Variants in MYO5B observed in about 807,000 individuals in gnomAD.
The protein encoded by MYO5B is unconventional myosin-Vb.
A neutral mutation model predicts 229.3 loss-of-function variants in MYO5B; 143 were observed. That is an observed-to-expected ratio of 0.62 (90% CI 0.54 to 0.72). MYO5B has a LOEUF of 0.72. Among genes scored for constraint, MYO5B ranks in the 30% least tolerant of loss-of-function variants. The pLI is 0.00. For synonymous variants in MYO5B, 918 were observed against 885.2 expected (o/e 1.04, Z -0.66); for missense variants, 2,321 against 2,331.0 (o/e 1.00, Z 0.09).
intron 1 of MYO5B, among the ~76,000 whole-genome samples, chr18:50,178,954 C>T (rs2033034623): frequency 2.6e-5 from 4 of 151,614 alleles, no homozygotes; most frequent in Admixed American, 2.6e-4. Context: ...AAGTGTGAGG[C>T]AACTAAGGGA....
intron 1 of MYO5B, among the ~76,000 whole-genome samples, chr18:50,127,559 A>T (rs2032185354): frequency 6.6e-6 from 1 of 152,196 alleles, no homozygotes; most frequent in Admixed American, 6.5e-5. Context: ...CTAATTGCTG[A>T]GCCCTGGTGG....
At chr18:50,168,496 C>G (rs551467854) in intron 1 of MYO5B, among the ~76,000 whole-genome samples, 11 of 152,360 alleles carry the variant, frequency 7.2e-5, no homozygotes, top group Admixed American at 7.2e-4. Context: ...TTTTCCAAGG[C>G]TCCTGCTTGC....
chr18:49,842,645 C>T (rs2024072900), intron 34 of MYO5B, among the ~76,000 whole-genome samples: 1 of 152,232 alleles, frequency 6.6e-6, no homozygotes, highest in Non-Finnish European at 1.5e-5. Flanking sequence ...CCTCACCCTC[C>T]CTGCAGGCCA....
rs754770946 is a variant in MYO5B, at chr18:50,169,446, T to A, written c.27+25321A>T. Reference sequence around the variant, plus strand: ...AAGTGATCAAAGTTACCACCACCAGTAACAGGACAAATTAGACATAACATG... The same window carrying A: ...AAGTGATCAAAGTTACCACCACCAGAAACAGGACAAATTAGACATAACATG... On this transcript the variant is annotated intron_variant, in intron 1 of 39. Coordinates refer to ENST00000285039, the MANE Select transcript of MYO5B (RefSeq NM_001080467.3). Among the ~76,000 whole-genome samples, 19 of 127,274 alleles carry A rather than the reference T, an allele frequency of 1.5e-4. 5 individuals are homozygous for A. Among genetic ancestry groups the A allele is most frequent in the Non-Finnish European group, 2.7e-4 (16 of 59,782 alleles). The allele number at this position is 127,274 out of a possible 152,430, so 83.5% of individuals were successfully genotyped here. A position where few individuals can be genotyped will look rare whatever the true frequency, so the allele number is the denominator to read the frequency against.
At chr18:50,148,738 G>A (rs2144298984) in intron 1 of MYO5B, among the ~76,000 whole-genome samples, 1 of 150,822 alleles carries the variant, frequency 6.6e-6, no homozygotes, top group South Asian at 2.1e-4. Flanking sequence ...TACTGAATGG[G>A]CAAAAACTGG....
chr18:50,094,484 T>C (rs2031512326), intron 1 of MYO5B, among the ~76,000 whole-genome samples: 1 of 152,158 alleles, frequency 6.6e-6, no homozygotes, highest in Non-Finnish European at 1.5e-5. Flanking sequence ...TTGGAAAGAA[T>C]TTAAAACCTC....
chr18:49,906,743 C>G, intron 18 of MYO5B, 113 bp from the exon 19 acceptor site: 8 of 918,324 alleles, frequency 8.7e-6, no homozygotes, highest in Non-Finnish European at 1.4e-5. Flanking sequence ...TTCATGCACC[C>G]CTCTCTGTAG....
chr18:49,893,187 T>G (rs2024735273), intron 22 of MYO5B, among the ~76,000 whole-genome samples: 1 of 152,160 alleles, frequency 6.6e-6, no homozygotes, highest in Non-Finnish European at 1.5e-5. Flanking sequence ...ATGAGTCAAG[T>G]GCTATCTGTT....
intron 31 of MYO5B, among the ~76,000 whole-genome samples, chr18:49,852,726 C>T (rs1292874975): frequency 6.6e-6 from 1 of 152,128 alleles, no homozygotes; most frequent in East Asian, 1.9e-4. Context: ...CTTCTCCCTC[C>T]CCCTCTGCCA....
intron 14 of MYO5B, among the ~76,000 whole-genome samples, chr18:49,942,081 C>T (rs7236936): frequency 0.54 from 67,479 of 124,850 alleles, 19,007 homozygotes; most frequent in Middle Eastern, 0.73. Context: ...AAACAAGCAA[C>T]GGGGAAAGGA....
intron 9 of MYO5B, among the ~76,000 whole-genome samples, chr18:49,976,300 C>T (rs1331956377): frequency 6.6e-6 from 1 of 152,178 alleles, no homozygotes; most frequent in Non-Finnish European, 1.5e-5. Flanking sequence ...TATCCCCAGG[C>T]AATTTTTTCC....
chr18:49,996,956 G>T (rs2025994423), intron 5 of MYO5B, among the ~76,000 whole-genome samples: 1 of 152,070 alleles, frequency 6.6e-6, no homozygotes, highest in South Asian at 2.1e-4. Context: ...TGGGTTAACA[G>T]TGTCTGGCTT....
intron 1 of MYO5B, among the ~76,000 whole-genome samples, chr18:50,093,180 CCACACA>C (rs3075642): frequency 0.15 from 21,689 of 148,676 alleles, 1,599 homozygotes; most frequent in East Asian, 0.23. Flanking sequence ...GAGCTTTGTG[CCACACA>C]CACACACACA....
At position 49,895,043 on chromosome 18, in the gene MYO5B, C is replaced by T. The variant is rs2024762192; in HGVS notation, c.2943G>A (p.Leu981=). ...TGCGCAGGCTCTCCACCTCCTCCTG[C>T]AGCCTGAGGCTGGTGTCCTCACCTG... The part of the protein sequence containing the change: ...QSPGEDTSLR[L]QEEVESLRTE... Residue 981 remains leucine (L), a synonymous_variant, in exon 22 of 40, where the codon CTG becomes CTA. Transcript: ENST00000285039. 1 of 1,614,002 alleles carries T rather than the reference C, an allele frequency of 6.2e-7. No individual in the cohort carries two copies. Among genetic ancestry groups the T allele is most frequent in the Admixed American group, 1.7e-5 (1 of 60,014 alleles).
intron 2 of MYO5B, among the ~76,000 whole-genome samples, chr18:50,043,354 TATAA>T (rs1166376824): frequency 4.6e-5 from 4 of 86,820 alleles, no homozygotes; most frequent in African/African-American, 1.4e-4. Context: ...TTATATATAA[TATAA>T]ATATATTATA....
At chr18:49,847,016 A>G in intron 33 of MYO5B, 130 bp downstream of exon 33, 5 of 1,180,870 alleles carry the variant, frequency 4.2e-6, no homozygotes, top group Non-Finnish European at 6.1e-6. Flanking sequence ...GTGCAAGGGC[A>G]AGTAGGAGAC....
intron 21 of MYO5B, among the ~76,000 whole-genome samples, chr18:49,895,929 A>T (rs1020269694): frequency 6.6e-6 from 1 of 152,212 alleles, no homozygotes; most frequent in African/African-American, 2.4e-5. Flanking sequence ...TGAGGGCATT[A>T]GCTAAGAGTG....
intron 1 of MYO5B, among the ~76,000 whole-genome samples, chr18:50,104,178 A>C (rs1240606050): frequency 2.0e-4 from 22 of 112,010 alleles, no homozygotes; most frequent in African/African-American, 7.4e-4. Flanking sequence ...AAAAAGAAAA[A>C]AAAGAAAATT....
chr18:50,189,238 A>T (rs1405238924), intron 1 of MYO5B, among the ~76,000 whole-genome samples: 1 of 152,192 alleles, frequency 6.6e-6, no homozygotes, highest in African/African-American at 2.4e-5. Context: ...ATTCCTGCTC[A>T]AGAGACTTGT....
Sources: allele counts gnomAD v4.1 joint callset (sites outside exome capture counted in the v4.1 genomes callset), GRCh38; gene constraint gnomAD v4.1.1; transcripts MANE v1.5; gene names NCBI Gene and HGNC (gene_info 2026-07-23, HGNC 2026-07-21).